NTAN1: variants seen among roughly 807,000 people sequenced by gnomAD.
NTAN1 encodes the protein N-terminal asparagine amidase, also known as protein N-terminal asparagine amidohydrolase.
In NTAN1, 32 loss-of-function variants were observed where a neutral mutation model predicts 41.9. The observed-to-expected ratio is 0.76, with a 90% CI of 0.58 to 1.03. The LOEUF (loss-of-function observed/expected upper bound fraction) is 1.03. Among genes scored for constraint, NTAN1 ranks in the 50% least tolerant of loss-of-function variants. The pLI, the probability that NTAN1 is intolerant of heterozygous loss-of-function variation, is 0.00. For missense variants in NTAN1, 377 were observed against 377.5 expected (o/e 1.00, Z 0.01); for synonymous variants, 140 against 139.5 (o/e 1.00, Z -0.03).
rs116890579 is a variant in NTAN1 at position 15,047,396 on chromosome 16, C to T, written c.359+46G>A. On this transcript the variant is annotated intron_variant, in intron 4 of 9. Coordinates refer to ENST00000287706, the MANE Select transcript of NTAN1 (RefSeq NM_173474.4). ...TTCCACAGCCACGTCCTGTATGCGA[C>T]GGTTCCAAGATCTCAATTCACCTAT... 5.9e-3 allele frequency: 7,340 copies of T among 1,252,566 alleles called. 459 individuals carry two copies. In the East Asian group the frequency reaches 0.14, roughly 24 times the overall value. 77.6% of individuals were successfully genotyped at this position (1,252,566 alleles called of 1,614,324 possible).
In NTAN1 at chr16:15,040,086, G is replaced by A. The variant is rs931326084; in HGVS notation, c.542-20C>T. ...TGACAGCTGTGAGGGACAACAGGAT[G>A]ACTCTGAATTGACAAAAGACCAAAG... On this transcript the variant is annotated intron_variant, in intron 7 of 9. Transcript: ENST00000287706. The A allele has an allele frequency of 2.1e-6, 3 of 1,396,506 alleles. No homozygotes were observed. Among genetic ancestry groups the A allele is most frequent in the Non-Finnish European group, 3.0e-6 (3 of 987,868 alleles). The allele number at this position is 1,396,506 out of a possible 1,614,324, so 86.5% of individuals were successfully genotyped here.
chr16:15,041,510 T>C (rs963113538), intron 6 of NTAN1, 113 bp downstream of exon 6: 2 of 794,692 alleles, frequency 2.5e-6, no homozygotes, highest in African/African-American at 1.7e-5. Context: ...CCGGAACAGA[T>C]GGTGGCCAAG....
chr16:15,039,040 CTG>C (rs2043683754), intron 8 of NTAN1, among the ~76,000 whole-genome samples: 1 of 152,176 alleles, frequency 6.6e-6, no homozygotes, highest in African/African-American at 2.4e-5. Flanking sequence ...TGACTAAAGT[CTG>C]TGTTCCCATT....
chr16:15,048,847 C>T (rs1411994426), intron 1 of NTAN1, among the ~76,000 whole-genome samples: 2 of 149,950 alleles, frequency 1.3e-5, no homozygotes, highest in African/African-American at 4.9e-5. Flanking sequence ...TGGTCTCAAA[C>T]TCCTGGGCTC....
At chr16:15,051,176 C>G (rs925586271) in intron 1 of NTAN1, among the ~76,000 whole-genome samples, 5 of 152,222 alleles carry the variant, frequency 3.3e-5, no homozygotes, top group Non-Finnish European at 5.9e-5. Context: ...CACTCATGTT[C>G]ACAATTGGGT....
Position 15,039,973 on chromosome 16 carries a change from C to A in NTAN1, c.635G>T (p.Gly212Val). 6.3e-7 allele frequency: 1 copy of A among 1,575,444 alleles called. No individual in the cohort carries two copies. The change falls in exon 8 of 10, where the codon GGA (glycine) becomes GTA (valine). Residue 212 changes from glycine (G) to valine (V), a missense_variant. Transcript: ENST00000287706. ...QLRAARTLAG[G>V]PMISIYDAET... The stretch of plus-strand genomic sequence containing the variant: ...CAAAGATGATTTGAAACTCACTGGT[C>A]CTCCTGCTAAAGTTCGCGCAGCACG...
intron 1 of NTAN1, among the ~76,000 whole-genome samples, chr16:15,052,873 G>A (rs936127142): frequency 5.3e-5 from 8 of 152,084 alleles, no homozygotes; most frequent in African/African-American, 1.2e-4. Flanking sequence ...ACTAAGCTAC[G>A]CTGCGAGCAT....
chr16:15,040,133 C>T, intron 7 of NTAN1, 67 bp from the exon 8 acceptor site: 3 of 830,848 alleles, frequency 3.6e-6, no homozygotes, highest in East Asian at 2.5e-5. Context: ...CACAGTCTTA[C>T]ATTTCTACCA....
chr16:15,050,005 A>C (rs898295358), intron 1 of NTAN1, among the ~76,000 whole-genome samples: 4 of 152,232 alleles, frequency 2.6e-5, no homozygotes, highest in African/African-American at 9.6e-5. Flanking sequence ...CTGTGCCAAA[A>C]AAGCAAACAT....
Position 15,040,029 on chromosome 16 carries a change from G to A in NTAN1, c.579C>T (p.Ser193=), listed in dbSNP as rs755797290. The change falls in exon 8 of 10, where the codon TCC becomes TCT. Residue 193 remains serine (S), a synonymous_variant. Transcript: ENST00000287706. ...NIKTAEIYRA[S]FQDRGPEEQL... ...GCTCCTCCGGACCCCGATCTTGAAA[G>A]GATGCTCTGTAAATCTCTGCAGTCT... The A allele has an allele frequency of 1.9e-6, 3 of 1,612,166 alleles. No individual in the cohort carries two copies. Among genetic ancestry groups the A allele is most frequent in the Admixed American group, 3.3e-5 (2 of 59,952 alleles).
At chr16:15,053,182 G>C (rs532985106) in intron 1 of NTAN1, among the ~76,000 whole-genome samples, 3 of 152,212 alleles carry the variant, frequency 2.0e-5, no homozygotes, top group Admixed American at 2.0e-4. Context: ...ACTGAATAGC[G>C]CAGCTCCAGA....
intron 1 of NTAN1, among the ~76,000 whole-genome samples, chr16:15,048,382 G>T (rs1037113611): frequency 6.6e-6 from 1 of 152,040 alleles, no homozygotes; most frequent in Non-Finnish European, 1.5e-5. Flanking sequence ...ATAGTTTTTT[G>T]TTTGTTTGTT....
rs778654573 is a variant in NTAN1 at position 15,047,524 on chromosome 16, A to G, written c.277T>C (p.Cys93Arg). Reference sequence around the variant, plus strand: ...TCAGCTTTGGTGTCGGTTCCGTCACAATGTGTCAAGCAGGTGGCCCCATTA... The same window carrying G: ...TCAGCTTTGGTGTCGGTTCCGTCACGATGTGTCAAGCAGGTGGCCCCATTA... ...TGNGATCLTH[C>R]DGTDTKAEVP... Residue 93 changes from cysteine to arginine, a missense_variant, in exon 4 of 10, where the codon TGT becomes CGT. Coordinates refer to ENST00000287706, the MANE Select transcript of NTAN1 (RefSeq NM_173474.4). The G allele has an allele frequency of 1.2e-6, 2 of 1,613,864 alleles. No individual in the cohort carries two copies. Among genetic ancestry groups the G allele is most frequent in the African/African-American group, 1.3e-5 (1 of 74,920 alleles).
chr16:15,040,518 C>A (rs11863214), intron 7 of NTAN1: 17,194 of 173,914 alleles, frequency 0.099, 990 homozygotes, highest in East Asian at 0.18. Context: ...CAAGTATCAC[C>A]GCTACAGCAG....
At position 15,038,220 on chromosome 16, in the gene NTAN1, C is replaced by G; in HGVS notation, c.754-10G>C. The G allele has an allele frequency of 6.2e-7, 1 of 1,610,096 alleles. No individual in the cohort carries two copies. The highest frequency in any genetic ancestry group is 8.5e-7 in the Non-Finnish European group (1 of 1,177,702). On this transcript the variant is annotated splice_polypyrimidine_tract_variant and intron_variant, in intron 9 of 9. Coordinates refer to ENST00000287706, the MANE Select transcript of NTAN1 (RefSeq NM_173474.4). ...GCGAAGTGGAAAGATTCTGAAAACACAAGATGGTGGGCATTAGAGAAGCCA... is the reference window on the plus strand; with the variant it reads ...GCGAAGTGGAAAGATTCTGAAAACAGAAGATGGTGGGCATTAGAGAAGCCA...
At chr16:15,055,702 C>A in intron 1 of NTAN1, 189 bp downstream of exon 1, 1 of 374,820 alleles carries the variant, frequency 2.7e-6, no homozygotes, top group Non-Finnish European at 4.7e-6. Context: ...GCCTCCGGGG[C>A]AGCCCGCTGA....
At chr16:15,045,123 CAA>C (rs71150202) in intron 4 of NTAN1, 17 of 98,694 alleles carry the variant, frequency 1.7e-4, no homozygotes, top group Admixed American at 2.2e-4. Flanking sequence ...GACTCTATCT[CAA>C]AAAAAAAAAA....
At chr16:15,040,122 G>A in intron 7 of NTAN1, 56 bp from the exon 8 acceptor site, 4 of 965,362 alleles carry the variant, frequency 4.1e-6, no homozygotes, top group Non-Finnish European at 6.7e-6. Flanking sequence ...CGGAAAGTCT[G>A]CACAGTCTTA....
intron 1 of NTAN1, among the ~76,000 whole-genome samples, chr16:15,051,820 C>G (rs769828271): frequency 6.6e-6 from 1 of 151,850 alleles, no homozygotes; most frequent in Admixed American, 6.6e-5. Context: ...CCCACCTCAG[C>G]CTCCTTTGCA....
Sources: gnomAD v4.1 joint callset for allele counts (sites outside exome capture counted in the v4.1 genomes callset) on GRCh38, gnomAD v4.1.1 for gene constraint, MANE v1.5 for transcripts, NCBI Gene and HGNC (gene_info 2026-07-23, HGNC 2026-07-21) for gene names.